Variants in LYPD6B observed in about 807,000 individuals in gnomAD.
LYPD6B encodes LY6/PLAUR domain containing 6B.
A neutral mutation model predicts 22.8 loss-of-function variants in LYPD6B; 17 were observed. The observed-to-expected ratio is 0.75, with a 90% CI of 0.51 to 1.12. LYPD6B has a LOEUF of 1.12. LYPD6B is among the 50% of genes most tolerant of loss of function. The pLI is 0.00. For synonymous variants in LYPD6B, 106 were observed against 91.6 expected, an observed-to-expected ratio of 1.16 and a Z score of -0.90; for missense variants, 221 against 258.3, an observed-to-expected ratio of 0.86 and a Z score of 0.99.
At chr2:149,136,643 A>G (rs1291426354) in intron 2 of LYPD6B, among the ~76,000 whole-genome samples, 2 of 152,252 alleles carry the variant, frequency 1.3e-5, no homozygotes, top group African/African-American at 4.8e-5. Context: ...AACAAATTGT[A>G]AGGGTGTTGC....
intron 3 of LYPD6B, among the ~76,000 whole-genome samples, chr2:149,198,728 A>G (rs975891615): frequency 2.0e-5 from 3 of 152,078 alleles, no homozygotes; most frequent in African/African-American, 7.2e-5. Flanking sequence ...AAAATGAGTT[A>G]CTTATTTCTG....
intron 1 of LYPD6B, chr2:149,068,792 G>A (rs895729435): frequency 1.1e-5 from 5 of 473,930 alleles, no homozygotes; most frequent in Non-Finnish European, 2.2e-5. Flanking sequence ...ATGAAACAAA[G>A]GCTCGATCAT....
chr2:149,086,228 A>C (rs576000873), intron 1 of LYPD6B, among the ~76,000 whole-genome samples: 15 of 152,336 alleles, frequency 9.8e-5, no homozygotes, highest in African/African-American at 3.4e-4. Context: ...ATTTGCATAC[A>C]TTTCATAATA....
At chr2:149,140,740 G>C (rs1336074081) in intron 2 of LYPD6B, among the ~76,000 whole-genome samples, 1 of 152,212 alleles carries the variant, frequency 6.6e-6, no homozygotes, top group Non-Finnish European at 1.5e-5. Flanking sequence ...TAAATGCCTG[G>C]TGAATTTCCA....
At chr2:149,067,816 A>G (rs1684410499) in intron 1 of LYPD6B, among the ~76,000 whole-genome samples, 1 of 152,192 alleles carries the variant, frequency 6.6e-6, no homozygotes, top group Non-Finnish European at 1.5e-5. Context: ...TGCAACAGAA[A>G]AATTTAATTT....
At chr2:149,211,219 C>T (rs1321437648) in intron 5 of LYPD6B, among the ~76,000 whole-genome samples, 1 of 152,172 alleles carries the variant, frequency 6.6e-6, no homozygotes, top group East Asian at 1.9e-4. Flanking sequence ...ATGATTTAAT[C>T]ACCTCCCCTC....
chr2:149,121,213 T>C (rs948847447), intron 1 of LYPD6B, among the ~76,000 whole-genome samples: 1 of 152,242 alleles, frequency 6.6e-6, no homozygotes, highest in African/African-American at 2.4e-5. Flanking sequence ...GTAGATGACA[T>C]GATACTAGTT....
At chr2:149,129,663 TTATAA>T (rs1687905696) in intron 1 of LYPD6B, among the ~76,000 whole-genome samples, 1 of 152,148 alleles carries the variant, frequency 6.6e-6, no homozygotes, top group Admixed American at 6.5e-5. Flanking sequence ...CTATTTAGAG[TTATAA>T]TGCTTTTCCT....
intron 1 of LYPD6B, among the ~76,000 whole-genome samples, chr2:149,062,726 C>A (rs1163152678): frequency 6.6e-6 from 1 of 151,944 alleles, no homozygotes; most frequent in African/African-American, 2.4e-5. Context: ...CAGATAATGA[C>A]AAATCGTTGC....
intron 1 of LYPD6B, among the ~76,000 whole-genome samples, chr2:149,052,203 C>T (rs949143197): frequency 7.3e-5 from 11 of 151,696 alleles, no homozygotes; most frequent in Non-Finnish European, 1.3e-4. Context: ...ATTACAAGCA[C>T]GCCCCACCAC....
chr2:149,080,867 A>G lies in LYPD6B; in HGVS notation c.-67+42066A>G, dbSNP rs1273091. Among the ~76,000 whole-genome samples the G allele has an allele frequency of 1.8e-5, 2 of 108,674 alleles. 1 individual carries two copies. The highest frequency in any genetic ancestry group is 3.9e-5 in the Non-Finnish European group (2 of 51,068). The allele number at this position is 108,674 out of a possible 152,430, so 71.3% of individuals were successfully genotyped here. A position where few individuals can be genotyped will look rare whatever the true frequency, so the allele number is the denominator to read the frequency against. On this transcript the variant is annotated intron_variant, in intron 1 of 6. Coordinates refer to ENST00000409642, the MANE Select transcript of LYPD6B (RefSeq NM_177964.5). Reference sequence around the variant, plus strand: ...AAAAAAAAAAAAAAAAAAAAAAAAAACCACACAAAAAAATTCAGTATATTA... The same window carrying G: ...AAAAAAAAAAAAAAAAAAAAAAAAAGCCACACAAAAAAATTCAGTATATTA...
At chr2:149,090,881 G>A (rs375541780) in intron 1 of LYPD6B, among the ~76,000 whole-genome samples, 41 of 152,140 alleles carry the variant, frequency 2.7e-4, no homozygotes, top group Non-Finnish European at 1.5e-4. Flanking sequence ...AATGTTGTTC[G>A]TTAAGCATAG....
intron 1 of LYPD6B, among the ~76,000 whole-genome samples, chr2:149,112,994 A>G (rs937004004): frequency 6.6e-6 from 1 of 152,218 alleles, no homozygotes; most frequent in Non-Finnish European, 1.5e-5. Flanking sequence ...GAACAGGAGA[A>G]GAAGGCAGAT....
At chr2:149,112,070 T>C (rs567562009) in intron 1 of LYPD6B, among the ~76,000 whole-genome samples, 1 of 152,234 alleles carries the variant, frequency 6.6e-6, no homozygotes, top group South Asian at 2.1e-4. Flanking sequence ...GAAAGTCTGA[T>C]TGGAGTGGAT....
intron 1 of LYPD6B, among the ~76,000 whole-genome samples, chr2:149,043,860 G>T (rs891355903): frequency 1.3e-5 from 2 of 152,086 alleles, no homozygotes; most frequent in African/African-American, 2.4e-5. Context: ...GAGTCCAAAT[G>T]TTCCAGCACC....
intron 1 of LYPD6B, among the ~76,000 whole-genome samples, chr2:149,091,945 A>T (rs556816415): frequency 1.4e-5 from 2 of 143,150 alleles, no homozygotes; most frequent in African/African-American, 2.5e-5. Context: ...ATGTGATTCT[A>T]TGGGAATCTG....
intron 1 of LYPD6B, among the ~76,000 whole-genome samples, chr2:149,117,310 G>A (rs1276355768): frequency 8.2e-5 from 12 of 146,170 alleles, no homozygotes; most frequent in Admixed American, 1.4e-4. Flanking sequence ...TCCCTCTGTC[G>A]CTCAGGCAAG....
chr2:149,154,313 T>C (rs529075566), intron 2 of LYPD6B, among the ~76,000 whole-genome samples: 13 of 152,110 alleles, frequency 8.5e-5, no homozygotes, highest in African/African-American at 3.1e-4. Context: ...ATTGGAGTTA[T>C]GCAGCCAAAG....
intron 1 of LYPD6B, among the ~76,000 whole-genome samples, chr2:149,097,336 A>G (rs1195074111): frequency 6.6e-6 from 1 of 152,252 alleles, no homozygotes; most frequent in Non-Finnish European, 1.5e-5. Context: ...TCCCAACAGG[A>G]TGCTAGGGAG....
Sources: allele counts gnomAD v4.1 joint callset (sites outside exome capture counted in the v4.1 genomes callset), GRCh38; gene constraint gnomAD v4.1.1; transcripts MANE v1.5; gene names NCBI Gene and HGNC (gene_info 2026-07-23, HGNC 2026-07-21).